Variants in SLCO1A2 observed in about 807,000 individuals in gnomAD.
The protein encoded by SLCO1A2 is OATP-1.
SLCO1A2 carries 67 observed loss-of-function variants against 69.0 expected under a neutral mutation model. That is an observed-to-expected ratio of 0.97 (90% CI 0.80 to 1.19). SLCO1A2 has a LOEUF of 1.19. Ranked by LOEUF, SLCO1A2 falls within the 50% of genes most tolerant of loss-of-function variation. The pLI is 0.00. For synonymous variants in SLCO1A2, 260 were observed against 265.9 expected (o/e 0.98, Z 0.22); for missense variants, 787 against 793.7 (o/e 0.99, Z 0.10).
At chr12:21,321,908 T>C (rs1011813228) in intron 2 of SLCO1A2, among the ~76,000 whole-genome samples, 1 of 152,166 alleles carries the variant, frequency 6.6e-6, no homozygotes. Context: ...TTTAGATGTC[T>C]ATAAGTTCCT....
chr12:21,297,682 A>G (rs1387581213), intron 8 of SLCO1A2, 114 bp from the exon 9 acceptor site: 3 of 690,942 alleles, frequency 4.3e-6, no homozygotes, highest in Non-Finnish European at 6.9e-6. Flanking sequence ...ATTTTGTAAT[A>G]TGTATTGTTT....
chr12:21,402,569 C>T (rs753878228), intron 1 of SLCO1A2, among the ~76,000 whole-genome samples: 80 of 152,158 alleles, frequency 5.3e-4, no homozygotes, highest in Non-Finnish European at 8.5e-4. Flanking sequence ...TTGCAGTACA[C>T]AATGTTTCTG....
At chr12:21,278,270 C>T (rs944891984) in intron 12 of SLCO1A2, among the ~76,000 whole-genome samples, 1 of 152,138 alleles carries the variant, frequency 6.6e-6, no homozygotes, top group African/African-American at 2.4e-5. Context: ...TTTACCCATC[C>T]CAGGCTCCTG....
Position 21,400,888 on chromosome 12 carries a change from GA to G in SLCO1A2, c.-312+16993del, listed in dbSNP as rs1220282691. Among the ~76,000 whole-genome samples, 299 of 77,738 alleles carry G rather than the reference GA, an allele frequency of 3.8e-3. 1 individual carries two copies. Among genetic ancestry groups the G allele is most frequent in the Middle Eastern group, 0.013 (1 of 76 alleles). The allele number at this position is 77,738 out of a possible 152,430, so 51.0% of individuals were successfully genotyped here. ...TCTGGGGACTGTTGTGGGGTGGGGG[GA>G]GGGGGGAGGGATAGCATCGGGAGAT... On this transcript the variant is annotated intron_variant, in intron 1 of 4. Coordinates refer to the SLCO1A2 transcript ENST00000413682.
chr12:21,343,925 T>G (rs946143154), intron 2 of SLCO1A2, among the ~76,000 whole-genome samples: 1 of 152,094 alleles, frequency 6.6e-6, no homozygotes, highest in African/African-American at 2.4e-5. Context: ...GACCAGTTGT[T>G]ATGCAGAAAG....
chr12:21,385,537 A>T (rs971428083), intron 1 of SLCO1A2, among the ~76,000 whole-genome samples: 1 of 152,246 alleles, frequency 6.6e-6, no homozygotes, highest in African/African-American at 2.4e-5. Context: ...AAGCAAGAAC[A>T]TTGGTAGAGG....
chr12:21,312,344 G>A (rs1950333091), intron 4 of SLCO1A2, among the ~76,000 whole-genome samples: 1 of 152,200 alleles, frequency 6.6e-6, no homozygotes, highest in African/African-American at 2.4e-5. Context: ...GAATAGAAGA[G>A]AGAGTCTTGC....
chr12:21,285,352 TG>T (rs1440477288), intron 12 of SLCO1A2, among the ~76,000 whole-genome samples: 1 of 151,566 alleles, frequency 6.6e-6, no homozygotes, highest in Non-Finnish European at 1.5e-5. Flanking sequence ...GAGCTGAAAT[TG>T]TGGCAATAAT....
intron 2 of SLCO1A2, among the ~76,000 whole-genome samples, chr12:21,346,314 T>C (rs75208026): frequency 0.017 from 2,552 of 152,246 alleles, 35 homozygotes; most frequent in Non-Finnish European, 0.023. Flanking sequence ...TTTCAGTGTC[T>C]TGATCTTCGA....
Position 21,373,348 on chromosome 12 carries a change from A to T in SLCO1A2, c.-63+1051T>A, listed in dbSNP as rs112357636. On this transcript the variant is annotated intron_variant, in intron 2 of 15. Coordinates refer to the SLCO1A2 transcript ENST00000307378. Reference sequence around the variant, plus strand: ...ATTATTCTTTGCAGAAAATTTGAGAAGCAATGGGCATCCTGAAGCTGCAAG... The same window carrying T: ...ATTATTCTTTGCAGAAAATTTGAGATGCAATGGGCATCCTGAAGCTGCAAG... 9.1e-5 allele frequency: 146 copies of T among 1,607,830 alleles called. 1 individual carries two copies. In the African/African-American group the frequency reaches 1.6e-3, roughly 17 times the overall value.
chr12:21,387,973 G>C (rs1010029363), intron 1 of SLCO1A2, among the ~76,000 whole-genome samples: 8 of 152,208 alleles, frequency 5.3e-5, no homozygotes, highest in Admixed American at 3.3e-4. Flanking sequence ...AGTCAAAGGA[G>C]ATCATTTTGG....
intron 2 of SLCO1A2, among the ~76,000 whole-genome samples, chr12:21,364,120 C>T (rs1354341394): frequency 6.6e-6 from 1 of 152,126 alleles, no homozygotes. Context: ...ACCAATATCC[C>T]TGATGAACAT....
At chr12:21,271,659 GTA>G (rs1238463075) in intron 14 of SLCO1A2, among the ~76,000 whole-genome samples, 1 of 120,346 alleles carries the variant, frequency 8.3e-6, no homozygotes, top group Non-Finnish European at 2.0e-5. Flanking sequence ...ATACATATGT[GTA>G]TATAAACATA....
upstream of SLCO1A2, among the ~76,000 whole-genome samples, chr12:21,335,593 G>C (rs975465377): frequency 1.3e-5 from 2 of 151,984 alleles, no homozygotes; most frequent in African/African-American, 2.4e-5. Flanking sequence ...CTAGTTTCTA[G>C]AATGATTTCT....
At chr12:21,274,221 G>GAAC (rs939807861) in intron 14 of SLCO1A2, 1 of 367,594 alleles carries the variant, frequency 2.7e-6, no homozygotes, top group East Asian at 4.5e-5. Flanking sequence ...AGAATTTAAC[G>GAAC]AACAACACTT....
In SLCO1A2 at chr12:21,292,307, T is replaced by C. The variant is rs1316707504; in HGVS notation, c.1467A>G (p.Thr489=). Reference sequence around the variant, plus strand: ...CAAGAACTGCAGATGAATTTCCTGATGTTTGAATACAGCTGCAATTTTGGA... The same window carrying C: ...CAAGAACTGCAGATGAATTTCCTGACGTTTGAATACAGCTGCAATTTTGGA... ...MVFQNCSCIQ[T]SGNSSAVLGL... is the part of the protein sequence containing the mutation. Residue 489 remains threonine, a synonymous_variant, in exon 12 of 15, where the codon ACA becomes ACG. Transcript: ENST00000683939. 6.2e-7 allele frequency: 1 copy of C among 1,610,614 alleles called. No individual in the cohort carries two copies. Among genetic ancestry groups the C allele is most frequent in the African/African-American group, 1.3e-5 (1 of 74,792 alleles).
chr12:21,264,630 T>G lies in SLCO1A2; in HGVS notation c.*4918A>C, dbSNP rs540935158. The G allele has an allele frequency of 1.3e-5, 2 of 152,190 alleles. No homozygotes were observed. The highest frequency in any genetic ancestry group is 2.9e-5 in the Non-Finnish European group (2 of 68,034). The allele number at this position is 152,190 out of a possible 1,614,324, so 9.4% of individuals were successfully genotyped here. ...ATTGTTAAAAAATTTATTTGCAATT[T>G]TTTTTGTTCATTTGTTAAGTAACAT... On this transcript the variant is annotated 3_prime_UTR_variant, in exon 15 of 15. Coordinates refer to ENST00000683939, the MANE Select transcript of SLCO1A2 (RefSeq NM_001386879.1).
upstream of SLCO1A2, among the ~76,000 whole-genome samples, chr12:21,398,102 A>T (rs1941543182): frequency 6.9e-6 from 1 of 144,080 alleles, no homozygotes; most frequent in Non-Finnish European, 1.5e-5. Context: ...TTTTGAAAGG[A>T]TCAACAAAAT....
At chr12:21,341,820 T>C (rs1358768479) in intron 2 of SLCO1A2, among the ~76,000 whole-genome samples, 1 of 152,074 alleles carries the variant, frequency 6.6e-6, no homozygotes, top group African/African-American at 2.4e-5. Flanking sequence ...GCTCTATGTA[T>C]GTATAAAATG....
Sources: allele counts gnomAD v4.1 joint callset (sites outside exome capture counted in the v4.1 genomes callset), GRCh38; gene constraint gnomAD v4.1.1; transcripts MANE v1.5; gene names NCBI Gene and HGNC (gene_info 2026-07-23, HGNC 2026-07-21).